The following SUGCT variants were observed in gnomAD, a reference collection of about 807,000 sequenced individuals.
The protein encoded by SUGCT is succinyl-CoA:glutarate CoA-transferase.
In SUGCT, 41 loss-of-function variants were observed where a neutral mutation model predicts 55.0. That is an observed-to-expected ratio of 0.74 (90% CI 0.58 to 0.97). The LOEUF is 0.97. Ranked by LOEUF, SUGCT falls within the 50% of genes least tolerant of loss-of-function variation. The pLI is 0.00. For missense variants in SUGCT, 568 were observed against 547.8 expected, an observed-to-expected ratio of 1.04 and a Z score of -0.37; for synonymous variants, 187 against 200.4, an observed-to-expected ratio of 0.93 and a Z score of 0.56.
chr7:40,201,417 G>A (rs1259462013), intron 6 of SUGCT, among the ~76,000 whole-genome samples: 1 of 152,046 alleles, frequency 6.6e-6, no homozygotes, highest in Admixed American at 6.6e-5. Flanking sequence ...GATATTAAAG[G>A]GAACCCTCAT....
chr7:40,613,082 G>A (rs927781254), intron 12 of SUGCT, among the ~76,000 whole-genome samples: 2 of 152,054 alleles, frequency 1.3e-5, no homozygotes, highest in African/African-American at 4.8e-5. Context: ...GCAGTGAGCC[G>A]ACATCATGTC....
chr7:40,456,613 G>C (rs146346494), intron 10 of SUGCT, among the ~76,000 whole-genome samples: 1 of 152,098 alleles, frequency 6.6e-6, no homozygotes, highest in South Asian at 2.1e-4. Context: ...GGAATCAGGG[G>C]AGTCAGTGTT....
chr7:40,166,096 T>G (rs923041758), intron 1 of SUGCT, among the ~76,000 whole-genome samples: 4 of 152,322 alleles, frequency 2.6e-5, no homozygotes, highest in Non-Finnish European at 4.4e-5. Context: ...CACTCCAGCC[T>G]GGGTGACAGA....
intron 12 of SUGCT, among the ~76,000 whole-genome samples, chr7:40,528,609 T>C (rs1347710587): frequency 6.6e-6 from 1 of 152,224 alleles, no homozygotes; most frequent in Non-Finnish European, 1.5e-5. Context: ...GTTAATGATA[T>C]CGAAACTCTT....
At chr7:40,227,409 C>G (rs1174500254) in intron 6 of SUGCT, among the ~76,000 whole-genome samples, 1 of 152,080 alleles carries the variant, frequency 6.6e-6, no homozygotes, top group Admixed American at 6.6e-5. Flanking sequence ...CATGGCCAAT[C>G]TTACTTTGGT....
At chr7:40,626,401 C>T (rs538450695) in intron 12 of SUGCT, among the ~76,000 whole-genome samples, 112 of 151,460 alleles carry the variant, frequency 7.4e-4, no homozygotes, top group African/African-American at 2.6e-3. Context: ...TGACTACAGG[C>T]GTGTGCCTAA....
At chr7:40,315,513 A>G (rs1795377369) in intron 8 of SUGCT, among the ~76,000 whole-genome samples, 1 of 152,232 alleles carries the variant, frequency 6.6e-6, no homozygotes, top group Admixed American at 6.5e-5. Flanking sequence ...CAATTTTGAC[A>G]GAGCGGTAAA....
At chr7:40,273,057 C>T (rs1290736973) in intron 7 of SUGCT, among the ~76,000 whole-genome samples, 1 of 152,046 alleles carries the variant, frequency 6.6e-6, no homozygotes, top group Non-Finnish European at 1.5e-5. Context: ...TTGAACTTGT[C>T]TCTCACTTTT....
chr7:40,350,701 T>A (rs1167377178), intron 9 of SUGCT, among the ~76,000 whole-genome samples: 1 of 152,062 alleles, frequency 6.6e-6, no homozygotes, highest in Non-Finnish European at 1.5e-5. Flanking sequence ...TGTAGGTTTG[T>A]TACATAGGTA....
intron 12 of SUGCT, among the ~76,000 whole-genome samples, chr7:40,638,734 G>A (rs1190590410): frequency 6.6e-6 from 1 of 152,120 alleles, no homozygotes; most frequent in Non-Finnish European, 1.5e-5. Flanking sequence ...ATGTAGTAGG[G>A]ATGCAATGCC....
chr7:40,140,501 A>G (rs1277956807), intron 1 of SUGCT, among the ~76,000 whole-genome samples: 3 of 152,136 alleles, frequency 2.0e-5, no homozygotes, highest in African/African-American at 7.2e-5. Context: ...CCCGGGTTCA[A>G]GCGATTGTCC....
chr7:40,380,761 G>C (rs12669577), intron 9 of SUGCT, among the ~76,000 whole-genome samples: 16,793 of 152,056 alleles, frequency 0.11, 1,380 homozygotes, highest in East Asian at 0.48. Flanking sequence ...CAAAATTTGT[G>C]GTATAGTTTG....
At chr7:40,150,228 C>G (rs375128747) in intron 1 of SUGCT, among the ~76,000 whole-genome samples, 89 of 152,326 alleles carry the variant, frequency 5.8e-4, no homozygotes, top group Middle Eastern at 3.4e-3. Flanking sequence ...CCACCTAGAT[C>G]AATAAACTGG....
chr7:40,673,096 T>C (rs1802022875), intron 12 of SUGCT, among the ~76,000 whole-genome samples: 1 of 152,250 alleles, frequency 6.6e-6, no homozygotes, highest in South Asian at 2.1e-4. Flanking sequence ...AATATTTTCT[T>C]CAATAACTTA....
intron 8 of SUGCT, among the ~76,000 whole-genome samples, chr7:40,291,900 A>T (rs1584591495): frequency 6.6e-6 from 1 of 152,316 alleles, no homozygotes; most frequent in South Asian, 2.1e-4. Flanking sequence ...AGAAGCTTAA[A>T]GAGGCAAGGA....
chr7:40,857,276 A>T (rs1373983219), intron 13 of SUGCT, among the ~76,000 whole-genome samples: 4 of 152,126 alleles, frequency 2.6e-5, no homozygotes, highest in Non-Finnish European at 4.4e-5. Context: ...TGTTTTCTTC[A>T]TGCAAACCTT....
intron 11 of SUGCT, 89 bp from the exon 12 acceptor site, chr7:40,496,195 T>C (rs1210471646): frequency 5.8e-5 from 44 of 761,314 alleles, no homozygotes; most frequent in Non-Finnish European, 6.7e-6. Flanking sequence ...TTTATGACTA[T>C]TGCTTGCTTT....
At chr7:40,142,680 A>G (rs1205057052) in intron 1 of SUGCT, among the ~76,000 whole-genome samples, 1 of 152,236 alleles carries the variant, frequency 6.6e-6, no homozygotes, top group East Asian at 1.9e-4. Flanking sequence ...CTCATTGGAC[A>G]CAGCACTCAG....
intron 6 of SUGCT, among the ~76,000 whole-genome samples, chr7:40,222,784 C>A (rs922111385): frequency 1.3e-4 from 20 of 152,046 alleles, no homozygotes; most frequent in Admixed American, 9.2e-4. Flanking sequence ...GAGGCTCCTC[C>A]ATGCCCAGCT....
Sources: allele counts gnomAD v4.1 joint callset (sites outside exome capture counted in the v4.1 genomes callset), GRCh38; gene constraint gnomAD v4.1.1; transcripts MANE v1.5; gene names NCBI Gene and HGNC (gene_info 2026-07-23, HGNC 2026-07-21).